HCN1: variants seen among roughly 807,000 people sequenced by gnomAD.
The protein encoded by HCN1 is potassium/sodium hyperpolarization-activated cyclic nucleotide-gated channel 1.
HCN1 carries 13 observed loss-of-function variants against 78.9 expected under a neutral mutation model. The observed-to-expected ratio is 0.16, with a 90% confidence interval of 0.11 to 0.26. The LOEUF (loss-of-function observed/expected upper bound fraction) is 0.26. Ranked by LOEUF, HCN1 falls within the 10% of genes least tolerant of loss-of-function variation. The pLI is 1.00. For missense variants in HCN1, 810 were observed against 1,154.3 expected, an observed-to-expected ratio of 0.70 and a Z score of 4.32; for synonymous variants, 552 against 455.5, an observed-to-expected ratio of 1.21 and a Z score of -2.70.
At chr5:45,564,922 T>G (rs1561202908) in intron 2 of HCN1, among the ~76,000 whole-genome samples, 1 of 152,178 alleles carries the variant, frequency 6.6e-6, no homozygotes, top group Non-Finnish European at 1.5e-5. Flanking sequence ...TGTTAACAAC[T>G]TCCTTTTTTC....
At chr5:45,431,720 CT>C (rs1740467126) in intron 3 of HCN1, among the ~76,000 whole-genome samples, 1 of 152,172 alleles carries the variant, frequency 6.6e-6, no homozygotes, top group African/African-American at 2.4e-5. Context: ...TTTTTGTCAA[CT>C]TTGTCAAAGA....
At chr5:45,620,934 A>G (rs1018863955) in intron 2 of HCN1, among the ~76,000 whole-genome samples, 1 of 152,160 alleles carries the variant, frequency 6.6e-6, no homozygotes, top group African/African-American at 2.4e-5. Context: ...GGATACATCA[A>G]TCCTAGTTAA....
At chr5:45,462,086 A>C (rs1379743349) in intron 2 of HCN1, 79 bp from the exon 3 acceptor site, 1 of 1,076,532 alleles carries the variant, frequency 9.3e-7, no homozygotes, top group Non-Finnish European at 1.4e-6. Context: ...GTAGGCATTG[A>C]TGTTGTGTAG....
intron 2 of HCN1, among the ~76,000 whole-genome samples, chr5:45,480,776 G>GAAACCT (rs1429733565): frequency 6.6e-6 from 1 of 152,108 alleles, no homozygotes; most frequent in African/African-American, 2.4e-5. Context: ...TAGACTGTAA[G>GAAACCT]AAACCTACAA....
intron 4 of HCN1, among the ~76,000 whole-genome samples, chr5:45,372,113 AATTAT>A (rs1747396390): frequency 1.7e-5 from 1 of 59,564 alleles, no homozygotes; most frequent in Non-Finnish European, 2.7e-5. Flanking sequence ...TATATAATAT[AATTAT>A]ATATTATATA....
intron 5 of HCN1, among the ~76,000 whole-genome samples, chr5:45,307,646 A>C (rs577357333): frequency 6.6e-6 from 1 of 152,126 alleles, no homozygotes; most frequent in Non-Finnish European, 1.5e-5. Flanking sequence ...AAAGATGATC[A>C]AGGTAATCAA....
At chr5:45,429,625 T>C (rs1178799644) in intron 3 of HCN1, among the ~76,000 whole-genome samples, 3 of 152,318 alleles carry the variant, frequency 2.0e-5, no homozygotes, top group Middle Eastern at 3.4e-3. Context: ...ACTGGAAAGC[T>C]ATGAACTCAT....
At chr5:45,455,052 G>C (rs1307432724) in intron 3 of HCN1, among the ~76,000 whole-genome samples, 1 of 151,892 alleles carries the variant, frequency 6.6e-6, no homozygotes, top group Non-Finnish European at 1.5e-5. Context: ...TCTCTATTTT[G>C]TGTCTCCCTG....
At chr5:45,325,506 TATG>T (rs1561107166) in intron 5 of HCN1, among the ~76,000 whole-genome samples, 1 of 151,790 alleles carries the variant, frequency 6.6e-6, no homozygotes, top group Non-Finnish European at 1.5e-5. Flanking sequence ...ACTCTATTGA[TATG>T]ATAAATTTGG....
At chr5:45,418,501 A>G (rs1044104181) in intron 3 of HCN1, among the ~76,000 whole-genome samples, 4 of 151,312 alleles carry the variant, frequency 2.6e-5, no homozygotes, top group Admixed American at 1.3e-4. Flanking sequence ...TTTATTTAAT[A>G]TTGTTTTACA....
rs1295362127 is a variant in HCN1, at chr5:45,258,019, T to C, written c.*3902A>G. 6.6e-6 allele frequency: 1 copy of C among 151,788 alleles called. No homozygotes were observed. 9.4% of individuals were successfully genotyped at this position (151,788 alleles called of 1,614,324 possible). On this transcript the variant is annotated 3_prime_UTR_variant, in exon 8 of 8. Coordinates refer to ENST00000303230, the MANE Select transcript of HCN1 (RefSeq NM_021072.4). ...CTAGTTGTAGTGCATATGAACAAAA[T>C]AACCACATGGGTTTTATGGCACATG...
intron 5 of HCN1, among the ~76,000 whole-genome samples, chr5:45,336,997 C>T (rs1419377812): frequency 1.3e-5 from 2 of 151,818 alleles, no homozygotes; most frequent in African/African-American, 4.8e-5. Context: ...GGGCAGAGGG[C>T]ATAAATACTC....
intron 2 of HCN1, among the ~76,000 whole-genome samples, chr5:45,546,125 T>A (rs1743220812): frequency 6.6e-6 from 1 of 151,958 alleles, no homozygotes; most frequent in African/African-American, 2.4e-5. Context: ...TCCTCAAGAT[T>A]TCCAGTATCT....
chr5:45,673,980 T>A (rs1171454080), intron 1 of HCN1, among the ~76,000 whole-genome samples: 1 of 151,638 alleles, frequency 6.6e-6, no homozygotes, highest in Non-Finnish European at 1.5e-5. Flanking sequence ...ATCTCTTGTG[T>A]AATGTTTAAG....
intron 3 of HCN1, among the ~76,000 whole-genome samples, chr5:45,424,541 G>T (rs1740299059): frequency 6.6e-6 from 1 of 152,116 alleles, no homozygotes; most frequent in African/African-American, 2.4e-5. Context: ...TTGCCAAAAT[G>T]TTCCAAAATC....
chr5:45,442,684 T>A (rs1740702985), intron 3 of HCN1, among the ~76,000 whole-genome samples: 1 of 152,042 alleles, frequency 6.6e-6, no homozygotes, highest in African/African-American at 2.4e-5. Context: ...TCATTAGGCA[T>A]ACATTTCCAC....
Position 45,388,152 on chromosome 5 carries a change from T to C in HCN1, c.1230+8340A>G, listed in dbSNP as rs185097305. 5.9e-5 allele frequency among the ~76,000 whole-genome samples: 9 copies of C among 152,278 alleles called. No homozygotes were observed. The East Asian group carries it at 1.7e-3, about 29-fold the overall frequency. Reference sequence around the variant, plus strand: ...TACTCCACTGCCCATTCAAAATATATGAACTTCCTAAGAAATTCCAAGCAT... The same window carrying C: ...TACTCCACTGCCCATTCAAAATATACGAACTTCCTAAGAAATTCCAAGCAT... On this transcript the variant is annotated intron_variant, in intron 4 of 7. Coordinates refer to ENST00000303230, the MANE Select transcript of HCN1 (RefSeq NM_021072.4).
At chr5:45,540,072 T>A (rs1743067430) in intron 2 of HCN1, among the ~76,000 whole-genome samples, 1 of 151,242 alleles carries the variant, frequency 6.6e-6, no homozygotes. Flanking sequence ...GTAAAAAACA[T>A]CTTTGCAAAT....
At chr5:45,616,123 C>T (rs949461174) in intron 2 of HCN1, among the ~76,000 whole-genome samples, 2 of 148,760 alleles carry the variant, frequency 1.3e-5, no homozygotes, top group Admixed American at 1.3e-4. Context: ...CTTTTATGGC[C>T]AAGTATTGGA....
Sources: allele counts gnomAD v4.1 joint callset (sites outside exome capture counted in the v4.1 genomes callset), GRCh38; gene constraint gnomAD v4.1.1; transcripts MANE v1.5; gene names NCBI Gene and HGNC (gene_info 2026-07-23, HGNC 2026-07-21).